IDS: variants seen among roughly 807,000 people sequenced by gnomAD.
The protein encoded by IDS is alpha-L-iduronate sulfate sulfatase.
A neutral mutation model predicts 33.5 loss-of-function variants in IDS; 1 was observed. The ratio of observed to expected loss-of-function variants is 0.03; its 90% CI spans 0.01 to 0.14. The LOEUF (loss-of-function observed/expected upper bound fraction) is 0.14, where lower values mean the gene tolerates loss of function less well. IDS is among the 10% of genes least tolerant of loss of function. The probability of loss-of-function intolerance (pLI) is 1.00; values close to 1 mark genes in which losing one functional copy is unlikely to be tolerated. For missense variants in IDS, 328 were observed against 448.0 expected, an observed-to-expected ratio of 0.73 and a Z score of 2.42; for synonymous variants, 191 against 184.4, an observed-to-expected ratio of 1.04 and a Z score of -0.29.
intron 6 of IDS, chrX:149,495,390 T>C (rs958145675): frequency 1.8e-5 from 2 of 112,710 alleles, no homozygotes; most frequent in East Asian, 5.6e-4. Context: ...TGCAGTGGTT[T>C]TGTTCTGTGT....
intron 6 of IDS, chrX:149,491,566 A>G: frequency 1.0e-6 from 1 of 985,404 alleles, no homozygotes; most frequent in African/African-American, 1.9e-5. Flanking sequence ...AAGAGAAAAG[A>G]TATACATCTA....
chrX:149,499,245 T>G (rs995184023), intron 4 of IDS: 1 of 108,285 alleles, frequency 9.2e-6, no homozygotes, highest in Non-Finnish European at 1.9e-5. Context: ...TCCCAGCTAC[T>G]CGGAAGGCTG....
intron 5 of IDS, among the ~76,000 whole-genome samples, chrX:149,497,224 C>T (rs2089443043): frequency 9.0e-6 from 1 of 111,558 alleles, no homozygotes. Context: ...TAATGTTTGT[C>T]TAAACGGTTT....
At chrX:149,491,491 C>T (rs2089391393) in intron 6 of IDS, 1 of 918,863 alleles carries the variant, frequency 1.1e-6, no homozygotes, top group African/African-American at 2.0e-5. Flanking sequence ...CTGGACCCAC[C>T]AGCTTCTTCT....
At chrX:149,497,063 T>C (rs1005595035) in intron 5 of IDS, among the ~76,000 whole-genome samples, 6 of 111,827 alleles carry the variant, frequency 5.4e-5, no homozygotes, top group South Asian at 3.6e-4. Context: ...TGACAATACA[T>C]GTGAAATGCT....
chrX:149,489,530 CAT>C (rs1450232841), intron 7 of IDS, among the ~76,000 whole-genome samples: 1 of 112,094 alleles, frequency 8.9e-6, no homozygotes, highest in African/African-American at 3.2e-5. Flanking sequence ...ATGATAAGCA[CAT>C]GTTATGATTT....
In IDS at chrX:149,484,612, G is replaced by A. The variant is rs372143277; in HGVS notation, c.1181-1394C>T. ...TGGGATTACTGGCGTGAGCCACCAC[G>A]CCCAGCCTTTCACAGCTTTTGTTGT... On this transcript the variant is annotated intron_variant, in intron 8 of 8. Transcript: ENST00000340855. Among the ~76,000 whole-genome samples the A allele has an allele frequency of 7.1e-4, 80 of 112,828 alleles. 1 individual carries two copies. In the Middle Eastern group the frequency reaches 0.014, roughly 20 times the overall value.
At chrX:149,504,758 G>A (rs2089510164) in intron 1 of IDS, among the ~76,000 whole-genome samples, 1 of 102,265 alleles carries the variant, frequency 9.8e-6, no homozygotes, top group Non-Finnish European at 2.0e-5. Context: ...AAAGATGGAT[G>A]GATAGAGATG....
At chrX:149,504,901 G>A (rs1233912462) in intron 1 of IDS, 134 bp downstream of exon 1, 2 of 469,024 alleles carry the variant, frequency 4.3e-6, no homozygotes, top group East Asian at 7.9e-5. Flanking sequence ...AACGAATGAT[G>A]GATGAAAGAA....
intron 8 of IDS, among the ~76,000 whole-genome samples, chrX:149,485,422 G>C (rs1569560381): frequency 8.9e-6 from 1 of 112,267 alleles, no homozygotes; most frequent in Non-Finnish European, 1.9e-5. Flanking sequence ...GAGTGTGACA[G>C]GCTTTCTCAT....
chrX:149,502,501 T>C (rs1328490171), intron 3 of IDS, among the ~76,000 whole-genome samples: 2 of 112,485 alleles, frequency 1.8e-5, no homozygotes, highest in African/African-American at 6.5e-5. Flanking sequence ...TGAATGTCAC[T>C]CTCAACCTGG....
At position 149,504,161 on chromosome X, in the gene IDS, G is replaced by C. The variant is rs368513342; in HGVS notation, c.236C>G (p.Ala79Gly). ...SHSLLFQNAF[A>G]QQAVCAPSRV... The stretch of plus-strand genomic sequence containing the variant: ...GCTAGAGGTTCCCAGACATACCTGC[G>C]CAAAGGCATTCTGGAAGAGGAGGCT... Residue 79 changes from alanine (A) to glycine (G), a missense_variant, in exon 2 of 9, where the codon GCG becomes GGG. Ala to Gly is a moderately conservative substitution (Grantham distance 60, BLOSUM62 0). Around this residue, in one of 4 missense-constraint regions of IDS, gnomAD observed 15 missense variants for 31.3 expected, o/e 0.48. Transcript: ENST00000340855. The C allele has an allele frequency of 9.2e-5, 111 of 1,205,506 alleles. No individual in the cohort carries two copies. Among genetic ancestry groups the C allele is most frequent in the Non-Finnish European group, 1.1e-4 (99 of 891,997 alleles).
At position 149,496,326 on chromosome X, in the gene IDS, C is replaced by T; in HGVS notation, c.879+20G>A. Reference sequence around the variant, plus strand: ...TATGTCATCAGTGTCCAATACATCCCCAAACTATGTCCTTGATACCTGAAA... The same window carrying T: ...TATGTCATCAGTGTCCAATACATCCTCAAACTATGTCCTTGATACCTGAAA... On this transcript the variant is annotated intron_variant, in intron 6 of 8. Transcript: ENST00000340855. 2 of 1,204,776 alleles carry T rather than the reference C, an allele frequency of 1.7e-6. No individual in the cohort carries two copies.
At chrX:149,491,493 GCTT>G (rs1557338714) in intron 6 of IDS, 20 of 923,297 alleles carry the variant, frequency 2.2e-5, no homozygotes, top group Non-Finnish European at 2.3e-5. Context: ...GGACCCACCA[GCTT>G]CTTCTCATCA....
intron 7 of IDS, chrX:149,487,387 G>T: frequency 1.3e-6 from 1 of 765,747 alleles, no homozygotes; most frequent in Non-Finnish European, 2.0e-6. Context: ...TATACCTAAC[G>T]TAGGACTCTG....
chrX:149,491,124 C>G (rs188859984), intron 6 of IDS, among the ~76,000 whole-genome samples: 1 of 112,602 alleles, frequency 8.9e-6, no homozygotes. Context: ...TAACACATAA[C>G]AGCAACCCTG....
At chrX:149,499,090 T>C (rs1372506463) in intron 4 of IDS, 1 of 111,507 alleles carries the variant, frequency 9.0e-6, no homozygotes. Flanking sequence ...CTGGGTGCGG[T>C]GGCTCACACC....
rs935548681 is a variant in IDS, at chrX:149,484,340, C to T, written c.1181-1122G>A. On this transcript the variant is annotated intron_variant, in intron 8 of 8. Transcript: ENST00000340855. ...ACTTGTTTCATTCTTTTTTTTTAGA[C>T]GGGGTCTAGCCCTGTCTCCAGGATG... Among the ~76,000 whole-genome samples the T allele has an allele frequency of 5.4e-5, 6 of 111,995 alleles. No homozygotes were observed. In the South Asian group the frequency reaches 1.1e-3, roughly 21 times the overall value.
intron 7 of IDS, among the ~76,000 whole-genome samples, chrX:149,487,622 G>A (rs1296835762): frequency 8.9e-6 from 1 of 112,393 alleles, no homozygotes; most frequent in East Asian, 2.8e-4. Context: ...GGACATCTTC[G>A]TTGATTTTTA....
Sources: allele counts gnomAD v4.1 joint callset (sites outside exome capture counted in the v4.1 genomes callset), GRCh38; gene constraint gnomAD v4.1.1; regional missense constraint gnomAD v4.1.1; transcripts MANE v1.5; gene names NCBI Gene and HGNC (gene_info 2026-07-23, HGNC 2026-07-21).